Variants in SPAG16 observed in about 807,000 individuals in gnomAD.
SPAG16 encodes the protein sperm associated antigen 16.
SPAG16 carries 86 observed loss-of-function variants against 80.4 expected under a neutral mutation model. The ratio of observed to expected loss-of-function variants is 1.07; its 90% confidence interval spans 0.90 to 1.28. The LOEUF (loss-of-function observed/expected upper bound fraction) is 1.28, where lower values mean the gene tolerates loss of function less well. Ranked by LOEUF, SPAG16 falls within the 50% of genes most tolerant of loss-of-function variation. The pLI is 0.00. For synonymous variants in SPAG16, 294 were observed against 265.9 expected, an observed-to-expected ratio of 1.11 and a Z score of -1.03; for missense variants, 870 against 765.3, an observed-to-expected ratio of 1.14 and a Z score of -1.61.
intron 11 of SPAG16, among the ~76,000 whole-genome samples, chr2:213,863,025 G>A (rs2075543466): frequency 6.6e-6 from 1 of 152,126 alleles, no homozygotes; most frequent in Admixed American, 6.5e-5. Flanking sequence ...GGATCAGATA[G>A]CTGCGATCAA....
chr2:213,755,219 G>A (rs2068267974), intron 10 of SPAG16, among the ~76,000 whole-genome samples: 2 of 152,016 alleles, frequency 1.3e-5, no homozygotes, highest in Non-Finnish European at 2.9e-5. Flanking sequence ...TTTATTCCAG[G>A]GTTATCAATC....
intron 13 of SPAG16, among the ~76,000 whole-genome samples, chr2:214,031,598 T>TAATAAAATAAAATAA (rs56258151): frequency 9.1e-5 from 12 of 132,470 alleles, no homozygotes; most frequent in African/African-American, 3.2e-4. Context: ...AGTATAATAA[T>TAATAAAATAAAATAA]AATAAAATAA....
At chr2:213,489,276 A>T (rs943516326) in intron 9 of SPAG16, among the ~76,000 whole-genome samples, 2 of 151,996 alleles carry the variant, frequency 1.3e-5, no homozygotes, top group African/African-American at 2.4e-5. Context: ...TTATGTGTTG[A>T]GTGCTTATTT....
intron 15 of SPAG16, among the ~76,000 whole-genome samples, chr2:214,336,372 C>T (rs1261656848): frequency 6.6e-6 from 1 of 152,160 alleles, no homozygotes; most frequent in East Asian, 1.9e-4. Context: ...GACATCTGGA[C>T]ACTCTGGAGT....
Position 213,531,485 on chromosome 2 carries a change from G to A in SPAG16, c.1070+41395G>A, listed in dbSNP as rs117568860. On this transcript the variant is annotated intron_variant, in intron 10 of 15. Coordinates refer to ENST00000331683, the MANE Select transcript of SPAG16 (RefSeq NM_024532.5). ...GAGAGAATGGATGGTGAAGAGGCACGTGGGGAGTAGCTGCAAGATGCAGTT... is the reference window on the plus strand; with the variant it reads ...GAGAGAATGGATGGTGAAGAGGCACATGGGGAGTAGCTGCAAGATGCAGTT... 4.1e-4 allele frequency among the ~76,000 whole-genome samples: 63 copies of A among 151,906 alleles called. No individual in the cohort carries two copies. In the East Asian group the frequency reaches 5.8e-3, roughly 14 times the overall value.
intron 9 of SPAG16, among the ~76,000 whole-genome samples, chr2:213,471,208 A>G (rs1218315178): frequency 1.3e-5 from 2 of 152,142 alleles, no homozygotes; most frequent in East Asian, 1.9e-4. Context: ...AACTGATCAT[A>G]GGTAACTCCC....
intron 10 of SPAG16, among the ~76,000 whole-genome samples, chr2:213,647,672 G>A (rs890931490): frequency 1.3e-5 from 2 of 152,124 alleles, no homozygotes; most frequent in African/African-American, 4.8e-5. Flanking sequence ...AGCTCTGAAG[G>A]TCAGCCAGAC....
chr2:214,190,896 A>C (rs1020371962), intron 15 of SPAG16, among the ~76,000 whole-genome samples: 1 of 152,166 alleles, frequency 6.6e-6, no homozygotes, highest in African/African-American at 2.4e-5. Context: ...TAATTGGCGT[A>C]TGGTACTTTG....
chr2:213,316,904 C>T (rs900828682), intron 4 of SPAG16, among the ~76,000 whole-genome samples: 1 of 151,948 alleles, frequency 6.6e-6, no homozygotes, highest in Non-Finnish European at 1.5e-5. Flanking sequence ...GAACTTATCA[C>T]CCTCCCCACT....
chr2:213,541,254 C>G (rs2076436669), intron 10 of SPAG16, among the ~76,000 whole-genome samples: 1 of 152,106 alleles, frequency 6.6e-6, no homozygotes, highest in Non-Finnish European at 1.5e-5. Flanking sequence ...AGGAAAATCC[C>G]TCAAAAGCCT....
intron 12 of SPAG16, among the ~76,000 whole-genome samples, chr2:213,966,241 G>A (rs1258903761): frequency 6.6e-6 from 1 of 152,106 alleles, no homozygotes; most frequent in African/African-American, 2.4e-5. Flanking sequence ...GAGAACAATT[G>A]TAACTCAATT....
chr2:214,328,904 A>G (rs1559216487), intron 15 of SPAG16, among the ~76,000 whole-genome samples: 1 of 152,136 alleles, frequency 6.6e-6, no homozygotes, highest in Non-Finnish European at 1.5e-5. Context: ...TCATTTATTT[A>G]GTGTATGTGG....
At chr2:213,619,231 G>A (rs1048382413) in intron 10 of SPAG16, among the ~76,000 whole-genome samples, 4 of 151,986 alleles carry the variant, frequency 2.6e-5, no homozygotes, top group Admixed American at 2.0e-4. Flanking sequence ...CTTAAATATA[G>A]GATCTGAAAC....
At chr2:213,449,085 G>T (rs965823622) in intron 9 of SPAG16, among the ~76,000 whole-genome samples, 14 of 152,000 alleles carry the variant, frequency 9.2e-5, no homozygotes, top group Admixed American at 4.6e-4. Context: ...ATGTGTTCCT[G>T]GGGGGAGGTC....
At chr2:213,386,350 T>C (rs1231019108) in intron 9 of SPAG16, among the ~76,000 whole-genome samples, 1 of 152,178 alleles carries the variant, frequency 6.6e-6, no homozygotes, top group East Asian at 1.9e-4. Flanking sequence ...GGAGGGCATC[T>C]AGCAGAGATT....
At chr2:213,538,755 C>T (rs1286857671) in intron 10 of SPAG16, among the ~76,000 whole-genome samples, 2 of 152,026 alleles carry the variant, frequency 1.3e-5, no homozygotes, top group African/African-American at 4.8e-5. Flanking sequence ...ATACTATTTA[C>T]CATTCACAGG....
At chr2:213,973,598 A>C (rs1028317432) in intron 12 of SPAG16, among the ~76,000 whole-genome samples, 1 of 151,666 alleles carries the variant, frequency 6.6e-6, no homozygotes, top group African/African-American at 2.4e-5. Flanking sequence ...GGCGAGTAAG[A>C]ATGCCACAAT....
At chr2:214,154,062 C>T (rs2056104118) in intron 15 of SPAG16, among the ~76,000 whole-genome samples, 1 of 152,116 alleles carries the variant, frequency 6.6e-6, no homozygotes, top group South Asian at 2.1e-4. Flanking sequence ...TTTTTGTGAA[C>T]ATTCACTACC....
At chr2:214,388,494 T>C (rs1161509765) in intron 15 of SPAG16, among the ~76,000 whole-genome samples, 1 of 152,226 alleles carries the variant, frequency 6.6e-6, no homozygotes, top group Non-Finnish European at 1.5e-5. Context: ...GTTATGTATA[T>C]GTTTTATGGG....
Sources: allele counts gnomAD v4.1 joint callset (sites outside exome capture counted in the v4.1 genomes callset), GRCh38; gene constraint gnomAD v4.1.1; transcripts MANE v1.5; gene names NCBI Gene and HGNC (gene_info 2026-07-23, HGNC 2026-07-21).